Variants in ZC3HAV1L observed in about 807,000 individuals in gnomAD.
ZC3HAV1L encodes ZC3HAV1 like.
A neutral mutation model predicts 28.2 loss-of-function variants in ZC3HAV1L; 23 were observed. That is an observed-to-expected ratio of 0.82 (90% CI 0.59 to 1.16). The LOEUF (loss-of-function observed/expected upper bound fraction) is 1.16, where lower values mean the gene tolerates loss of function less well. Among genes scored for constraint, ZC3HAV1L ranks in the 50% most tolerant of loss-of-function variants. The pLI, the probability that ZC3HAV1L is intolerant of heterozygous loss-of-function variation, is 0.00. For synonymous variants in ZC3HAV1L, 180 were observed against 163.4 expected (o/e 1.10, Z -0.78); for missense variants, 376 against 387.7 (o/e 0.97, Z 0.25).
At chr7:139,035,127 C>T (rs1815662514) in intron 1 of ZC3HAV1L, 1 of 985,442 alleles carries the variant, frequency 1.0e-6, no homozygotes, top group South Asian at 4.7e-5. Context: ...CCAGCTCTGG[C>T]AGTCAGGAAC....
At chr7:139,030,070 T>C (rs143051621) in intron 2 of ZC3HAV1L, among the ~76,000 whole-genome samples, 1 of 152,274 alleles carries the variant, frequency 6.6e-6, no homozygotes, top group Non-Finnish European at 1.5e-5. Flanking sequence ...AAGTCTGACA[T>C]CCCCGGCAAC....
chr7:139,035,538 C>T, intron 1 of ZC3HAV1L, 115 bp downstream of exon 1: 8 of 1,320,918 alleles, frequency 6.1e-6, no homozygotes, highest in Non-Finnish European at 7.7e-6. Context: ...TCGTCCAGCC[C>T]CGCGTCCCCG....
intron 2 of ZC3HAV1L, among the ~76,000 whole-genome samples, chr7:139,031,469 C>T (rs1015356132): frequency 6.6e-6 from 1 of 152,136 alleles, no homozygotes; most frequent in Non-Finnish European, 1.5e-5. Context: ...GCTTGCAGTC[C>T]CAGCTACTAG....
intron 1 of ZC3HAV1L, chr7:139,035,063 A>C: frequency 6.1e-6 from 6 of 985,426 alleles, no homozygotes; most frequent in Non-Finnish European, 7.2e-6. Context: ...GAGACAACCA[A>C]GGAAAATTCG....
chr7:139,026,423 A>C lies in ZC3HAV1L; in HGVS notation c.*121T>G. On this transcript the variant is annotated 3_prime_UTR_variant, in exon 5 of 5. Transcript: ENST00000275766. ...CTGCCATCTTCAGCACTTGCCCTGG[A>C]CTAGCCCCATCTGCACTCAATTTTA... The C allele has an allele frequency of 6.7e-7, 1 of 1,490,786 alleles. No individual in the cohort carries two copies. The highest frequency in any genetic ancestry group is 1.7e-4 in the Middle Eastern group (1 of 5,742). 92.3% of individuals were successfully genotyped at this position (1,490,786 alleles called of 1,614,324 possible).
In ZC3HAV1L at chr7:139,026,383, A is replaced by T; in HGVS notation, c.*161T>A. The T allele has an allele frequency of 9.0e-7, 1 of 1,112,596 alleles. No homozygotes were observed. Among genetic ancestry groups the T allele is most frequent in the Non-Finnish European group, 1.2e-6 (1 of 802,432 alleles). 68.9% of individuals were successfully genotyped at this position (1,112,596 alleles called of 1,614,324 possible). A position where few individuals can be genotyped will look rare whatever the true frequency, so the allele number is the denominator to read the frequency against. Reference sequence around the variant, plus strand: ...ACCCAGCCTGAGGAAAGCACCTAGGAGCTGCAGATAGCAGCTGCCATCTTC... The same window carrying T: ...ACCCAGCCTGAGGAAAGCACCTAGGTGCTGCAGATAGCAGCTGCCATCTTC... On this transcript the variant is annotated 3_prime_UTR_variant, in exon 5 of 5. Transcript: ENST00000275766.
intron 2 of ZC3HAV1L, among the ~76,000 whole-genome samples, chr7:139,030,086 A>G (rs566377762): frequency 6.6e-6 from 1 of 152,332 alleles, no homozygotes; most frequent in Non-Finnish European, 1.5e-5. Flanking sequence ...GCAACCCCTC[A>G]GTCCCAGGCA....
intron 1 of ZC3HAV1L, chr7:139,035,015 C>G: frequency 1.0e-6 from 1 of 985,432 alleles, no homozygotes; most frequent in Non-Finnish European, 1.2e-6. Flanking sequence ...AAGAAAGCGC[C>G]CCTATCCCCA....
Position 139,034,688 on chromosome 7 carries a change from C to CA in ZC3HAV1L, c.366-11dup, listed in dbSNP as rs1372781793. 3 of 1,613,594 alleles carry CA rather than the reference C, an allele frequency of 1.9e-6. No individual in the cohort carries two copies. In the South Asian group the frequency reaches 3.3e-5, roughly 18 times the overall value. ...AAGGGTACAGGTAGACCTAAAAGAA[C>CA]AAAGCCCTCGGTCAGATGCCCAGGT... On this transcript the variant is annotated splice_polypyrimidine_tract_variant and intron_variant, in intron 1 of 4. Transcript: ENST00000275766.
At position 139,035,995 on chromosome 7, in the gene ZC3HAV1L, G is replaced by A; in HGVS notation, c.23C>T (p.Ser8Phe). The A allele has an allele frequency of 6.6e-7, 1 of 1,521,126 alleles. No individual in the cohort carries two copies. Among genetic ancestry groups the A allele is most frequent in the Admixed American group, 2.0e-5 (1 of 50,360 alleles). The allele number at this position is 1,521,126 out of a possible 1,614,324, so 94.2% of individuals were successfully genotyped here. MAEPTVC[S>F]FLTKVLCAHG... Reference sequence around the variant, plus strand: ...GGCGCACAGCACCTTGGTGAGGAAGGAGCACACTGTGGGCTCCGCCATGGT... The same window carrying A: ...GGCGCACAGCACCTTGGTGAGGAAGAAGCACACTGTGGGCTCCGCCATGGT... The change falls in exon 1 of 5, where the codon TCC (serine) becomes TTC (phenylalanine). Residue 8 changes from serine (S) to phenylalanine (F), a missense_variant. Ser to Phe is a radical substitution (Grantham distance 155). Transcript: ENST00000275766.
chr7:139,028,501 C>T (rs952985001), intron 3 of ZC3HAV1L, among the ~76,000 whole-genome samples: 5 of 152,096 alleles, frequency 3.3e-5, no homozygotes, highest in African/African-American at 1.2e-4. Context: ...AAACTCCATC[C>T]CTTCTCTCCT....
chr7:139,033,369 C>T (rs1193469139), intron 2 of ZC3HAV1L, among the ~76,000 whole-genome samples: 1 of 152,186 alleles, frequency 6.6e-6, no homozygotes, highest in Non-Finnish European at 1.5e-5. Flanking sequence ...ATTTGTCCAT[C>T]AATGCACCAG....
chr7:139,025,694 C>A (rs547182592), downstream of ZC3HAV1L: 3 of 152,200 alleles, frequency 2.0e-5, no homozygotes, highest in African/African-American at 7.2e-5. Flanking sequence ...AATCAGAAAG[C>A]AGACACCAGA....
At chr7:139,028,371 T>TTAAAA (rs1354763567) in intron 3 of ZC3HAV1L, among the ~76,000 whole-genome samples, 1 of 42,766 alleles carries the variant, frequency 2.3e-5, no homozygotes, top group Non-Finnish European at 5.7e-5. Flanking sequence ...AGACTCTGTC[T>TTAAAA]CAAAAAAAAA....
downstream of ZC3HAV1L, among the ~76,000 whole-genome samples, chr7:139,023,195 A>AAAG (rs1457399633): frequency 6.6e-6 from 1 of 151,292 alleles, no homozygotes; most frequent in Non-Finnish European, 1.5e-5. Context: ...AAAAAAAAAA[A>AAAG]AAAAAAACAG....
At chr7:139,033,812 A>C (rs1815609751) in intron 2 of ZC3HAV1L, 1 of 985,366 alleles carries the variant, frequency 1.0e-6, no homozygotes, top group South Asian at 4.7e-5. Flanking sequence ...TGAGACAGGA[A>C]GGACTGGACC....
Position 139,026,261 on chromosome 7 carries a change from T to TG in ZC3HAV1L, c.*282dup. The TG allele has an allele frequency of 2.3e-6, 1 of 427,120 alleles. No individual in the cohort carries two copies. The highest frequency in any genetic ancestry group is 4.1e-6 in the Non-Finnish European group (1 of 244,846). The allele number at this position is 427,120 out of a possible 1,614,324, so 26.5% of individuals were successfully genotyped here. A position where few individuals can be genotyped will look rare whatever the true frequency, so the allele number is the denominator to read the frequency against. ...AAGATGCTTATGAGACAATATTAAG[T>TG]GAAAAAAAAAAATGAGTGCAAAGTA... is the stretch of plus-strand genomic sequence containing the variant. On this transcript the variant is annotated 3_prime_UTR_variant, in exon 5 of 5. Transcript: ENST00000275766.
At chr7:139,026,671 G>C (rs1240097889) in intron 4 of ZC3HAV1L, 37 bp downstream of exon 4, 1 of 1,612,886 alleles carries the variant, frequency 6.2e-7, no homozygotes, top group East Asian at 2.2e-5. Flanking sequence ...AGCTGGACAA[G>C]CTTCTTCTTA....
downstream of ZC3HAV1L, chr7:139,022,436 C>T (rs111252716): frequency 7.3e-6 from 3 of 410,596 alleles, no homozygotes; most frequent in African/African-American, 4.2e-5. Flanking sequence ...GTCCCGGCTA[C>T]TAGGGAAGCT....
Sources: gnomAD v4.1 joint callset for allele counts (sites outside exome capture counted in the v4.1 genomes callset) on GRCh38, gnomAD v4.1.1 for gene constraint, MANE v1.5 for transcripts, NCBI Gene and HGNC (gene_info 2026-07-23, HGNC 2026-07-21) for gene names.